The following AFF2 variants were observed in gnomAD, a reference collection of about 807,000 sequenced individuals.
The protein encoded by AFF2 is AF4/FMR2 family member 2.
Under a neutral mutation model 76.9 loss-of-function variants are expected in AFF2, and 14 were observed. The observed-to-expected ratio is 0.18, with a 90% CI of 0.12 to 0.28. AFF2 has a LOEUF of 0.28. Among genes scored for constraint, AFF2 ranks in the 10% least tolerant of loss-of-function variants. The pLI, the probability that AFF2 is intolerant of heterozygous loss-of-function variation, is 1.00. For synonymous variants in AFF2, 398 were observed against 366.7 expected, an observed-to-expected ratio of 1.09 and a Z score of -0.98; for missense variants, 868 against 1,001.1, an observed-to-expected ratio of 0.87 and a Z score of 1.79.
chrX:148,504,964 A>G (rs2052392470), intron 1 of AFF2, among the ~76,000 whole-genome samples: 1 of 65,652 alleles, frequency 1.5e-5, no homozygotes, highest in African/African-American at 6.5e-5. Context: ...ACTTGGAGAT[A>G]CTAGGGCTGT....
chrX:148,969,769 G>A (rs781960137), intron 15 of AFF2, among the ~76,000 whole-genome samples: 13 of 111,074 alleles, frequency 1.2e-4, no homozygotes, highest in African/African-American at 4.3e-4. Flanking sequence ...GGTGGTGGGG[G>A]GGTGATATGG....
At chrX:148,633,584 GTCA>G (rs782199935) in intron 1 of AFF2, among the ~76,000 whole-genome samples, 8 of 112,409 alleles carry the variant, frequency 7.1e-5, no homozygotes, top group East Asian at 5.6e-4. Context: ...AAAGCATTCT[GTCA>G]GTCACTTGGC....
At chrX:148,986,309 G>A (rs781971451) in intron 19 of AFF2, among the ~76,000 whole-genome samples, 1 of 112,450 alleles carries the variant, frequency 8.9e-6, no homozygotes, top group South Asian at 3.7e-4. Flanking sequence ...GACTGGAGGA[G>A]GAGAGAGAAC....
intron 7 of AFF2, among the ~76,000 whole-genome samples, chrX:148,874,820 A>G (rs1339507797): frequency 8.9e-6 from 1 of 111,738 alleles, no homozygotes; most frequent in Non-Finnish European, 1.9e-5. Context: ...GGTCACAGGA[A>G]TAAGAAAGAC....
At position 148,612,773 on chromosome X, in the gene AFF2, G is replaced by T. The variant is rs185432849; in HGVS notation, c.48-39226G>T. Among the ~76,000 whole-genome samples the T allele has an allele frequency of 4.4e-3, 488 of 112,022 alleles. 2 individuals carry two copies. The highest frequency in any genetic ancestry group is 7.2e-3 in the Non-Finnish European group (384 of 53,097). ...TGTGCAAATATTTGTGATCCAATTG[G>T]TGAAATTTCCCAAGTGCTTTTGAGA... On this transcript the variant is annotated intron_variant, in intron 1 of 20. Transcript: ENST00000370460.
At chrX:148,711,192 A>T (rs1371655757) in intron 3 of AFF2, among the ~76,000 whole-genome samples, 2 of 111,754 alleles carry the variant, frequency 1.8e-5, no homozygotes, top group Non-Finnish European at 3.8e-5. Flanking sequence ...AATTTTTCTA[A>T]TGGAGAACAA....
At chrX:148,809,268 C>T (rs2070174397) in intron 3 of AFF2, among the ~76,000 whole-genome samples, 1 of 111,926 alleles carries the variant, frequency 8.9e-6, no homozygotes, top group African/African-American at 3.2e-5. Flanking sequence ...GGCTATGGGC[C>T]TGACATGGAG....
intron 3 of AFF2, among the ~76,000 whole-genome samples, chrX:148,704,352 TTA>T (rs782107357): frequency 0.053 from 478 of 9,034 alleles, 12 homozygotes; most frequent in East Asian, 0.077. Context: ...ATATATATAT[TTA>T]TATATATATG....
intron 9 of AFF2, among the ~76,000 whole-genome samples, chrX:148,930,625 T>A (rs2071700870): frequency 8.9e-6 from 1 of 112,676 alleles, no homozygotes; most frequent in Non-Finnish European, 1.9e-5. Flanking sequence ...ACTGGCATTC[T>A]AAATGTCAAA....
At chrX:148,898,728 GC>G (rs782455995) in intron 8 of AFF2, among the ~76,000 whole-genome samples, 49 of 111,218 alleles carry the variant, frequency 4.4e-4, no homozygotes, top group Non-Finnish European at 8.7e-4. Context: ...ACATTTTCAT[GC>G]CCAGAGCATA....
intron 1 of AFF2, among the ~76,000 whole-genome samples, chrX:148,538,757 C>T (rs1307149287): frequency 8.9e-6 from 1 of 111,866 alleles, no homozygotes; most frequent in Non-Finnish European, 1.9e-5. Flanking sequence ...AAGACAATCC[C>T]CGTTTTACAG....
At chrX:148,677,155 G>A (rs1271572603) in intron 3 of AFF2, among the ~76,000 whole-genome samples, 4 of 110,806 alleles carry the variant, frequency 3.6e-5, no homozygotes, top group Non-Finnish European at 1.9e-5. Context: ...TTGAAAGGAA[G>A]CCCACATAGA....
intron 7 of AFF2, among the ~76,000 whole-genome samples, chrX:148,884,824 G>C (rs2071138541): frequency 8.9e-6 from 1 of 112,004 alleles, no homozygotes; most frequent in East Asian, 2.8e-4. Flanking sequence ...GTTCTTTCTA[G>C]AAAGCTTTTG....
intron 2 of AFF2, among the ~76,000 whole-genome samples, chrX:148,656,787 A>G (rs1465933213): frequency 1.8e-5 from 2 of 111,130 alleles, no homozygotes; most frequent in African/African-American, 6.6e-5. Flanking sequence ...GGCGTGAGCC[A>G]CCGCGCCCGG....
chrX:148,836,131 A>T (rs2070522172), intron 4 of AFF2, among the ~76,000 whole-genome samples: 1 of 112,463 alleles, frequency 8.9e-6, no homozygotes, highest in Non-Finnish European at 1.9e-5. Context: ...ATTTGTCATG[A>T]ATGTTATCAA....
chrX:148,989,523 G>T (rs1230312628), intron 20 of AFF2, among the ~76,000 whole-genome samples: 1 of 112,059 alleles, frequency 8.9e-6, no homozygotes, highest in Non-Finnish European at 1.9e-5. Context: ...GGTTTTCAGC[G>T]GACTGGGGAG....
intron 19 of AFF2, among the ~76,000 whole-genome samples, chrX:148,985,175 G>A (rs966588795): frequency 2.2e-4 from 24 of 108,203 alleles, no homozygotes; most frequent in African/African-American, 7.8e-4. Context: ...AGTAGAGACG[G>A]GGTTTCACCA....
chrX:148,597,174 G>A (rs1557247435), intron 1 of AFF2, among the ~76,000 whole-genome samples: 1 of 111,426 alleles, frequency 9.0e-6, no homozygotes, highest in Non-Finnish European at 1.9e-5. Flanking sequence ...AGAGGAGAAT[G>A]TTTAAGCCGA....
At chrX:148,576,875 T>C (rs1489652017) in intron 1 of AFF2, among the ~76,000 whole-genome samples, 1 of 111,228 alleles carries the variant, frequency 9.0e-6, no homozygotes, top group Non-Finnish European at 1.9e-5. Flanking sequence ...TTTTTGTGTT[T>C]GAATTGCTTA....
Sources: allele counts gnomAD v4.1 joint callset (sites outside exome capture counted in the v4.1 genomes callset), GRCh38; gene constraint gnomAD v4.1.1; transcripts MANE v1.5; gene names NCBI Gene and HGNC (gene_info 2026-07-23, HGNC 2026-07-21).